LHPP: variants seen among roughly 807,000 people sequenced by gnomAD.
The protein encoded by LHPP is phospholysine phosphohistidine inorganic pyrophosphate phosphatase.
LHPP carries 24 observed loss-of-function variants against 30.3 expected under a neutral mutation model. The ratio of observed to expected loss-of-function variants is 0.79; its 90% confidence interval spans 0.57 to 1.11. The LOEUF is 1.11. Among genes scored for constraint, LHPP ranks in the 50% most tolerant of loss-of-function variants. The probability of loss-of-function intolerance (pLI) is 0.00; values close to 1 mark genes in which losing one functional copy is unlikely to be tolerated. For synonymous variants in LHPP, 150 were observed against 157.1 expected, an observed-to-expected ratio of 0.95 and a Z score of 0.34; for missense variants, 356 against 367.2, an observed-to-expected ratio of 0.97 and a Z score of 0.25.
chr10:124,496,924 T>G lies in LHPP; in HGVS notation c.468-37T>G. 2 of 1,590,872 alleles carry G rather than the reference T, an allele frequency of 1.3e-6. No individual in the cohort carries two copies. The highest frequency in any genetic ancestry group is 8.6e-7 in the Non-Finnish European group (1 of 1,162,624). On this transcript the variant is annotated intron_variant, in intron 3 of 6. Coordinates refer to ENST00000368842, the MANE Select transcript of LHPP (RefSeq NM_022126.4). This position sits in a 1 kb window ranked among gnomAD's most constrained non-coding sequence, Gnocchi z 4.3. Reference sequence around the variant, plus strand: ...TTAGCATCCTGCGGTCAGCTCCCCGTGCTCAGCATCCCGTGCTCCGTTCTG... The same window carrying G: ...TTAGCATCCTGCGGTCAGCTCCCCGGGCTCAGCATCCCGTGCTCCGTTCTG...
chr10:124,502,545 A>G (rs571914102), intron 5 of LHPP, among the ~76,000 whole-genome samples: 1 of 147,750 alleles, frequency 6.8e-6, no homozygotes, highest in Non-Finnish European at 1.5e-5. Context: ...TTGTTTTTGT[A>G]TTTTTAGTAG....
intron 3 of LHPP, among the ~76,000 whole-genome samples, chr10:124,490,975 GC>G (rs1364312106): frequency 1.4e-5 from 2 of 147,714 alleles, no homozygotes; most frequent in Admixed American, 6.8e-5. Context: ...GTTCTGCACA[GC>G]CTAGAGTTCT....
intron 6 of LHPP, among the ~76,000 whole-genome samples, chr10:124,557,565 C>T (rs993870698): frequency 1.3e-5 from 2 of 152,236 alleles, no homozygotes; most frequent in Non-Finnish European, 2.9e-5. Context: ...GGATACATAA[C>T]AAAATGATTT....
intron 1 of LHPP, among the ~76,000 whole-genome samples, chr10:124,468,643 C>T (rs373941105): frequency 9.3e-4 from 142 of 152,338 alleles, no homozygotes; most frequent in African/African-American, 3.2e-3. Context: ...GTGGGGTTTT[C>T]ACTGAAGGGG....
At chr10:124,465,275 G>A (rs191719727) in intron 1 of LHPP, among the ~76,000 whole-genome samples, 7 of 152,266 alleles carry the variant, frequency 4.6e-5, no homozygotes, top group East Asian at 3.9e-4. Flanking sequence ...GTTCGAGGGC[G>A]TGGGGTGGGG....
In LHPP at chr10:124,517,406, A is replaced by G. The variant is rs1954488492; in HGVS notation, c.716+135A>G. ...AGTATGTGGGCATTCACTATCTTGT[A>G]TGTAATGGACCTCTAAGAACAGGGC... On this transcript the variant is annotated intron_variant, in intron 6 of 6. Coordinates refer to ENST00000368842, the MANE Select transcript of LHPP (RefSeq NM_022126.4). This position sits in a 1 kb window ranked among gnomAD's most constrained non-coding sequence, Gnocchi z 4.1. The G allele has an allele frequency of 1.7e-6, 1 of 572,762 alleles. No individual in the cohort carries two copies. The highest frequency in any genetic ancestry group is 3.0e-6 in the Non-Finnish European group (1 of 334,922). The allele number at this position is 572,762 out of a possible 1,614,324, so 35.5% of individuals were successfully genotyped here.
chr10:124,490,316 G>A (rs1028882924), intron 3 of LHPP: 6 of 237,664 alleles, frequency 2.5e-5, no homozygotes, highest in Non-Finnish European at 5.2e-5. Context: ...TAGCAGACAC[G>A]CTCTCCAGGG....
rs948146563 is a variant in LHPP at position 124,523,701 on chromosome 10, C to T, written c.716+6430C>T. On this transcript the variant is annotated intron_variant, in intron 6 of 6. Coordinates refer to ENST00000368842, the MANE Select transcript of LHPP (RefSeq NM_022126.4). This position sits in a 1 kb window ranked among gnomAD's most constrained non-coding sequence, Gnocchi z 4.2. ...TGGTCAGCCTTCCAGGAGTCAGGAC[C>T]CTCCTGCTGCCCTCCTGTGTAAACA... 1.3e-5 allele frequency among the ~76,000 whole-genome samples: 2 copies of T among 152,202 alleles called. 1 individual carries two copies. Among genetic ancestry groups the T allele is most frequent in the South Asian group, 4.1e-4 (2 of 4,834 alleles).
At chr10:124,525,018 C>T (rs1290573291) in intron 6 of LHPP, among the ~76,000 whole-genome samples, 1 of 152,242 alleles carries the variant, frequency 6.6e-6, no homozygotes, top group African/African-American at 2.4e-5. Flanking sequence ...TTGACATGCC[C>T]AGTCCTGCAG....
At chr10:124,554,004 G>A in intron 6 of LHPP, 1 of 985,440 alleles carries the variant, frequency 1.0e-6, no homozygotes, top group Non-Finnish European at 1.2e-6. Context: ...ACAGCTCCAT[G>A]TGAGTCTTCT....
intron 6 of LHPP, among the ~76,000 whole-genome samples, chr10:124,574,012 G>T: frequency 6.6e-6 from 1 of 152,118 alleles, no homozygotes; most frequent in East Asian, 1.9e-4. Context: ...TGCCCCACAG[G>T]TGTCACCCAT....
intron 6 of LHPP, among the ~76,000 whole-genome samples, chr10:124,538,360 G>A (rs1955091885): frequency 6.6e-6 from 1 of 152,208 alleles, no homozygotes; most frequent in African/African-American, 2.4e-5. Context: ...AGGTCTCCTG[G>A]GTGCCTTCTC....
chr10:124,575,511 G>T (rs542025323), intron 6 of LHPP, among the ~76,000 whole-genome samples: 1 of 152,248 alleles, frequency 6.6e-6, no homozygotes, highest in South Asian at 2.1e-4. Context: ...GGATGCGTCA[G>T]CCCCTGATTT....
Position 124,517,257 on chromosome 10 carries a change from C to A in LHPP, c.702C>A (p.Arg234=). The A allele has an allele frequency of 6.3e-7, 1 of 1,598,256 alleles. No individual in the cohort carries two copies. Among genetic ancestry groups the A allele is most frequent in the Non-Finnish European group, 8.5e-7 (1 of 1,172,454 alleles). The change falls in exon 6 of 7, where the codon CGC becomes CGA. Residue 234 remains arginine (R), a synonymous_variant. Transcript: ENST00000368842. The surrounding 1 kb of genome is among the most constrained non-coding windows in gnomAD (Gnocchi z 4.1). ...GTGGAATGAGAGCGCTGCAGGTGCG[C>A]ACCGGGAAGTTCAGGTCAGTGCCAG... ...QRCGMRALQV[R]TGKFRPSDEH...
chr10:124,477,184 C>T (rs914051584), intron 1 of LHPP, among the ~76,000 whole-genome samples: 9 of 152,306 alleles, frequency 5.9e-5, no homozygotes, highest in South Asian at 2.1e-4. Context: ...GCCTGGGCAA[C>T]GGAGTGAGAC....
chr10:124,477,608 G>A (rs1470488147), intron 1 of LHPP, among the ~76,000 whole-genome samples: 2 of 152,120 alleles, frequency 1.3e-5, no homozygotes, highest in Non-Finnish European at 2.9e-5. Flanking sequence ...GGGTCAGTTA[G>A]GTGCTTCTCC....
intron 6 of LHPP, among the ~76,000 whole-genome samples, chr10:124,549,096 T>A (rs1373132853): frequency 1.3e-5 from 2 of 152,188 alleles, no homozygotes; most frequent in African/African-American, 4.8e-5. Flanking sequence ...CTAATTAGAT[T>A]TTTCCCACAA....
intron 5 of LHPP, among the ~76,000 whole-genome samples, chr10:124,514,257 T>C (rs930683911): frequency 4.6e-5 from 7 of 151,786 alleles, no homozygotes; most frequent in Non-Finnish European, 8.8e-5. Context: ...AGGAGGGAGG[T>C]GAGCAGGCAG....
At chr10:124,499,104 T>C (rs1424425067) in intron 5 of LHPP, among the ~76,000 whole-genome samples, 1 of 151,760 alleles carries the variant, frequency 6.6e-6, no homozygotes, top group Non-Finnish European at 1.5e-5. Context: ...GGTCTCAAAT[T>C]CCTGACCTCA....
Sources: allele counts gnomAD v4.1 joint callset (sites outside exome capture counted in the v4.1 genomes callset), GRCh38; gene constraint gnomAD v4.1.1; non-coding constraint Gnocchi (gnomAD v3.1); transcripts MANE v1.5; gene names NCBI Gene and HGNC (gene_info 2026-07-23, HGNC 2026-07-21).